The following IP6K3 variants were observed in gnomAD, a reference collection of about 807,000 sequenced individuals.
IP6K3 encodes inositol hexakisphosphate kinase 3, also known as ATP:1D-myo-inositol-hexakisphosphate phosphotransferase.
A neutral mutation model predicts 28.8 loss-of-function variants in IP6K3; 20 were observed. The observed-to-expected ratio is 0.70, with a 90% CI of 0.49 to 1.01. IP6K3 has a LOEUF of 1.01. IP6K3 is among the 50% of genes least tolerant of loss of function. The probability of loss-of-function intolerance (pLI) is 0.00; values close to 1 mark genes in which losing one functional copy is unlikely to be tolerated. For missense variants in IP6K3, 480 were observed against 537.1 expected, an observed-to-expected ratio of 0.89 and a Z score of 1.05; for synonymous variants, 213 against 221.3, an observed-to-expected ratio of 0.96 and a Z score of 0.33.
At chr6:33,749,089 G>C (rs1404259756), upstream of IP6K3, among the ~76,000 whole-genome samples, 3 of 152,018 alleles carry the variant, frequency 2.0e-5, no homozygotes, top group African/African-American at 4.8e-5. Context: ...CCTATTCTGG[G>C]AATCCCAGAA....
At position 33,724,999 on chromosome 6, in the gene IP6K3, T is replaced by C. The variant is rs527936723; in HGVS notation, c.765+442A>G. Reference sequence around the variant, plus strand: ...GCTCACACCTGTAGTCCCAGCACTTTGGGAGGCCAAGGCGGGCAGATCACG... The same window carrying C: ...GCTCACACCTGTAGTCCCAGCACTTCGGGAGGCCAAGGCGGGCAGATCACG... On this transcript the variant is annotated intron_variant, in intron 5 of 5. Coordinates refer to ENST00000293756, the MANE Select transcript of IP6K3 (RefSeq NM_054111.5). Among the ~76,000 whole-genome samples, 53 of 152,198 alleles carry C rather than the reference T, an allele frequency of 3.5e-4. No individual in the cohort carries two copies. The East Asian group carries it at 0.01, about 29-fold the overall frequency.
chr6:33,733,159 T>A (rs1194588897), intron 2 of IP6K3, among the ~76,000 whole-genome samples: 1 of 152,174 alleles, frequency 6.6e-6, no homozygotes, highest in Non-Finnish European at 1.5e-5. Flanking sequence ...CCTCCTGGCT[T>A]ATATAGAAAC....
upstream of IP6K3, among the ~76,000 whole-genome samples, chr6:33,747,785 G>A (rs1766954452): frequency 6.6e-6 from 1 of 152,148 alleles, no homozygotes; most frequent in African/African-American, 2.4e-5. This position sits in a 1 kb window ranked among gnomAD's most constrained non-coding sequence, Gnocchi z 5.2. Flanking sequence ...GAGGAACTGA[G>A]GTGCTTTATG....
the IP6K3 span, among the ~76,000 whole-genome samples, chr6:33,761,602 T>C: frequency 2.0e-5 from 3 of 152,008 alleles, no homozygotes; most frequent in Non-Finnish European, 2.9e-5. Context: ...TAGTAGGCTC[T>C]GGGGGCTTTG....
intron 1 of IP6K3, among the ~76,000 whole-genome samples, chr6:33,741,429 G>T (rs1448119925): frequency 6.6e-6 from 1 of 151,968 alleles, no homozygotes; most frequent in Non-Finnish European, 1.5e-5. Context: ...ATCACTTGAA[G>T]CCAGGAGTTC....
chr6:33,743,316 A>G (rs967723579), intron 1 of IP6K3, among the ~76,000 whole-genome samples: 14 of 152,252 alleles, frequency 9.2e-5, no homozygotes, highest in Non-Finnish European at 1.6e-4. Flanking sequence ...GCAAAGCAGC[A>G]TGGTTTATGG....
chr6:33,747,196 A>ATTTTTTG (rs771522767), upstream of IP6K3, among the ~76,000 whole-genome samples: 2 of 152,068 alleles, frequency 1.3e-5, no homozygotes, highest in Non-Finnish European at 2.9e-5. This position sits in a 1 kb window ranked among gnomAD's most constrained non-coding sequence, Gnocchi z 5.2. Flanking sequence ...TTTGATTCCT[A>ATTTTTTG]ATTCAAAAGG....
upstream of IP6K3, among the ~76,000 whole-genome samples, chr6:33,748,132 T>C (rs2127369518): frequency 6.6e-6 from 1 of 152,202 alleles, no homozygotes; most frequent in East Asian, 1.9e-4. Flanking sequence ...GGGCTCAGCC[T>C]CCTCTCTGGC....
At chr6:33,735,878 A>G (rs1766506198) in intron 1 of IP6K3, among the ~76,000 whole-genome samples, 1 of 152,154 alleles carries the variant, frequency 6.6e-6, no homozygotes, top group South Asian at 2.1e-4. Context: ...AGACTTATTT[A>G]TTTATTTAAG....
rs1014188588 is a variant in IP6K3 at position 33,733,009 on chromosome 6, G to A, written c.199+2269C>T. 3.3e-5 allele frequency among the ~76,000 whole-genome samples: 5 copies of A among 152,260 alleles called. 1 individual carries two copies. In the South Asian group the frequency reaches 6.2e-4, roughly 19 times the overall value. On this transcript the variant is annotated intron_variant, in intron 2 of 5. Transcript: ENST00000293756. ...TGGGCAGTGGCCCTGTGTGAGTCGT[G>A]TTCTGGTCAGTGAGTGAATCAGCAT...
chr6:33,722,633 CT>C lies in IP6K3; in HGVS notation c.*86del. ...GTAGATAGGACTATTATGAAGACAT[CT>C]AAGGGGTGTCTGGACTACCCTAGCA... On this transcript the variant is annotated 3_prime_UTR_variant, in exon 6 of 6. Coordinates refer to ENST00000293756, the MANE Select transcript of IP6K3 (RefSeq NM_054111.5). 1 of 852,038 alleles carries C rather than the reference CT, an allele frequency of 1.2e-6. No individual in the cohort carries two copies. Among genetic ancestry groups the C allele is most frequent in the Non-Finnish European group, 1.9e-6 (1 of 525,476 alleles). The allele number at this position is 852,038 out of a possible 1,614,324, so 52.8% of individuals were successfully genotyped here. A position where few individuals can be genotyped will look rare whatever the true frequency, so the allele number is the denominator to read the frequency against.
chr6:33,730,593 G>C (rs1039617469), intron 2 of IP6K3, among the ~76,000 whole-genome samples: 9 of 152,314 alleles, frequency 5.9e-5, no homozygotes, highest in African/African-American at 1.9e-4. Flanking sequence ...GGCAGGTTGA[G>C]GAAGGAATCA....
Position 33,727,494 on chromosome 6 carries a change from T to C in IP6K3, c.414-588A>G, listed in dbSNP as rs1400997375. ...CAGCACTCCTTGGGAAGGGAGATAT[T>C]TTCATTGTATTAGCTCCCTTTTGTT... On this transcript the variant is annotated intron_variant, in intron 3 of 5. Transcript: ENST00000293756. 2.0e-5 allele frequency among the ~76,000 whole-genome samples: 3 copies of C among 152,218 alleles called. No individual in the cohort carries two copies. The East Asian group carries it at 5.8e-4, about 29-fold the overall frequency.
chr6:33,731,765 G>A (rs1262511776), intron 2 of IP6K3, among the ~76,000 whole-genome samples: 1 of 152,104 alleles, frequency 6.6e-6, no homozygotes, highest in Admixed American at 6.5e-5. Context: ...ACCTGTTCAA[G>A]AGCCATGCAA....
At chr6:33,751,724 G>T (rs1174030361), upstream of IP6K3, among the ~76,000 whole-genome samples, 2 of 152,178 alleles carry the variant, frequency 1.3e-5, no homozygotes, top group Non-Finnish European at 2.9e-5. The surrounding 1 kb of genome is among the most constrained non-coding windows in gnomAD (Gnocchi z 4.3). Flanking sequence ...GCCTAGCCGG[G>T]ATTTGAATCT....
At chr6:33,740,061 T>G (rs1273823269) in intron 1 of IP6K3, among the ~76,000 whole-genome samples, 2 of 152,238 alleles carry the variant, frequency 1.3e-5, no homozygotes, top group African/African-American at 4.8e-5. Context: ...AGGTGCCTGC[T>G]GCCAAATATC....
chr6:33,735,158 G>T, intron 2 of IP6K3, 120 bp downstream of exon 2: 1 of 755,446 alleles, frequency 1.3e-6, no homozygotes, highest in South Asian at 1.8e-5. Context: ...TGGGAGAGGG[G>T]CGCGTCTCTG....
chr6:33,736,107 C>T (rs1766514785), intron 1 of IP6K3, among the ~76,000 whole-genome samples: 1 of 152,200 alleles, frequency 6.6e-6, no homozygotes, highest in African/African-American at 2.4e-5. Flanking sequence ...CTCAAGTGAT[C>T]CACCCACCTT....
In IP6K3 at chr6:33,722,179, A is replaced by G. The variant is rs559290; in HGVS notation, c.*541T>C. The G allele has an allele frequency of 0.91, 139,430 of 152,612 alleles. 63,819 individuals are homozygous for G. The highest frequency in any genetic ancestry group is 0.99 in the East Asian group (5,148 of 5,186). The allele number at this position is 152,612 out of a possible 1,614,324, so 9.5% of individuals were successfully genotyped here. ...CACTTAGAAGCTGGGTGCAGAGCAG[A>G]TGAGATGGGTAGATCTCTTCTGCTT... On this transcript the variant is annotated 3_prime_UTR_variant, in exon 6 of 6. Transcript: ENST00000293756.
Sources: gnomAD v4.1 joint callset for allele counts (sites outside exome capture counted in the v4.1 genomes callset) on GRCh38, gnomAD v4.1.1 for gene constraint, Gnocchi (gnomAD v3.1) non-coding constraint, MANE v1.5 for transcripts, NCBI Gene and HGNC (gene_info 2026-07-23, HGNC 2026-07-21) for gene names.